LIMS1: variants seen among roughly 807,000 people sequenced by gnomAD.
LIMS1 encodes LIM zinc finger domain containing 1.
LIMS1 carries 18 observed loss-of-function variants against 44.1 expected under a neutral mutation model. The ratio of observed to expected loss-of-function variants is 0.41; its 90% CI spans 0.28 to 0.61. The LOEUF is 0.61. LIMS1 is among the 20% of genes least tolerant of loss of function. The pLI is 0.32. For missense variants in LIMS1, 201 were observed against 422.0 expected (o/e 0.48, Z 4.59); for synonymous variants, 93 against 149.1 (o/e 0.62, Z 2.74).
chr2:108,613,211 A>C (rs1321353636), intron 1 of LIMS1, among the ~76,000 whole-genome samples: 1 of 152,180 alleles, frequency 6.6e-6, no homozygotes, highest in African/African-American at 2.4e-5. Context: ...ATATTACATA[A>C]ATAGTTGAGA....
intron 1 of LIMS1, among the ~76,000 whole-genome samples, chr2:108,606,284 A>G (rs557979139): frequency 6.6e-5 from 10 of 152,330 alleles, no homozygotes; most frequent in African/African-American, 2.2e-4. Flanking sequence ...TGGCAGGTCT[A>G]CCTTAGGGTG....
intron 1 of LIMS1, among the ~76,000 whole-genome samples, chr2:108,564,062 A>T (rs925617547): frequency 6.8e-6 from 1 of 147,554 alleles, no homozygotes; most frequent in Admixed American, 6.7e-5. Context: ...AAAAAAAAAA[A>T]GGAAAAGGAA....
chr2:108,649,329 A>G (rs982486033), intron 1 of LIMS1, among the ~76,000 whole-genome samples: 1 of 152,174 alleles, frequency 6.6e-6, no homozygotes, highest in African/African-American at 2.4e-5. Context: ...GAAACAACAG[A>G]TGCTGGAGTG....
At chr2:108,678,455 T>TAATTAGGCTGGGCTGATTGATTGGA (rs1203372658) in intron 8 of LIMS1, 1 of 197,744 alleles carries the variant, frequency 5.1e-6, no homozygotes, top group Non-Finnish European at 1.0e-5. Context: ...TGTACTGTGG[T>TAATTAGGCTGGGCTGATTGATTGGA]AATTAGGCTG....
At chr2:108,554,808 C>A (rs1684868728) in intron 1 of LIMS1, among the ~76,000 whole-genome samples, 1 of 152,122 alleles carries the variant, frequency 6.6e-6, no homozygotes, top group African/African-American at 2.4e-5. Flanking sequence ...AAGGGACACA[C>A]AAACCATTGT....
At chr2:108,554,289 C>T (rs967180963) in intron 1 of LIMS1, among the ~76,000 whole-genome samples, 1 of 152,108 alleles carries the variant, frequency 6.6e-6, no homozygotes, top group African/African-American at 2.4e-5. Flanking sequence ...TCACTTGATA[C>T]CTATTGCCCT....
chr2:108,551,065 T>G (rs1684672864), intron 1 of LIMS1, among the ~76,000 whole-genome samples: 1 of 151,802 alleles, frequency 6.6e-6, no homozygotes, highest in African/African-American at 2.4e-5. Context: ...GGAAGTTGGG[T>G]GCAGTGAGCT....
chr2:108,569,771 T>C (rs1175924303), intron 1 of LIMS1, among the ~76,000 whole-genome samples: 1 of 144,398 alleles, frequency 6.9e-6, no homozygotes. Context: ...TGGCTTTTTT[T>C]TTTTTTTTTT....
intron 1 of LIMS1, among the ~76,000 whole-genome samples, chr2:108,554,788 C>T (rs1312066210): frequency 6.6e-6 from 1 of 152,132 alleles, no homozygotes; most frequent in Non-Finnish European, 1.5e-5. Context: ...GGGAGGTGTG[C>T]TCTTTAGGTA....
intron 1 of LIMS1, among the ~76,000 whole-genome samples, chr2:108,536,555 C>T (rs1448361895): frequency 6.6e-6 from 1 of 152,198 alleles, no homozygotes; most frequent in Admixed American, 6.5e-5. Flanking sequence ...ATTAAGAAAG[C>T]TACTACGAAC....
chr2:108,639,951 A>G (rs999642559), intron 1 of LIMS1, among the ~76,000 whole-genome samples: 2 of 152,218 alleles, frequency 1.3e-5, no homozygotes, highest in African/African-American at 4.8e-5. Context: ...AAGCACTTAC[A>G]CATCCATGCG....
At chr2:108,681,673 C>T in intron 9 of LIMS1, 1 of 799,252 alleles carries the variant, frequency 1.3e-6, no homozygotes, top group Non-Finnish European at 1.5e-6. Context: ...GTAATCCCAG[C>T]ACTTTAGGAA....
chr2:108,578,005 G>A (rs1018523023), intron 1 of LIMS1, among the ~76,000 whole-genome samples: 1 of 152,166 alleles, frequency 6.6e-6, no homozygotes, highest in Non-Finnish European at 1.5e-5. Flanking sequence ...CACCTCCCAG[G>A]TTCAAGTGAT....
chr2:108,567,220 C>G (rs1234108733), intron 1 of LIMS1, among the ~76,000 whole-genome samples: 1 of 152,078 alleles, frequency 6.6e-6, no homozygotes, highest in East Asian at 1.9e-4. Flanking sequence ...GGGTTTTCTC[C>G]TGGTACTACA....
intron 1 of LIMS1, among the ~76,000 whole-genome samples, chr2:108,611,078 A>T (rs1687573753): frequency 6.6e-6 from 1 of 152,214 alleles, no homozygotes; most frequent in Non-Finnish European, 1.5e-5. Context: ...TCTACTGCTG[A>T]GAAAAATAAC....
chr2:108,551,953 G>GTGTATATATA lies in LIMS1; in HGVS notation c.32+17360_32+17361insGTATATATAT, dbSNP rs56703030. On this transcript the variant is annotated intron_variant, in intron 1 of 9. Transcript: ENST00000544547. ...TATGTGTGTGTGTGTGTGTGTGTGTGTATATATATATATATATATGTATAT... is the reference window on the plus strand; with the variant it reads ...TATGTGTGTGTGTGTGTGTGTGTGTGTGTATATATATATATATATATATATATATGTATAT... 2.6e-3 allele frequency among the ~76,000 whole-genome samples: 224 copies of GTGTATATATA among 85,306 alleles called. 1 individual carries two copies. Among genetic ancestry groups the GTGTATATATA allele is most frequent in the African/African-American group, 7.3e-3 (214 of 29,382 alleles). 56.0% of individuals were successfully genotyped at this position (85,306 alleles called of 152,430 possible).
At position 108,579,913 on chromosome 2, in the gene LIMS1, C is replaced by T. The variant is rs116570637; in HGVS notation, c.32+45319C>T. Among the ~76,000 whole-genome samples, 511 of 152,316 alleles carry T rather than the reference C, an allele frequency of 3.4e-3. 2 individuals carry two copies. Among genetic ancestry groups the T allele is most frequent in the African/African-American group, 0.011 (469 of 41,580 alleles). ...AGTTTAGGGAGGAAGGCAAGAGGCACCAGGCCAGGAGGGCTGTTGAGATGT... is the reference window on the plus strand; with the variant it reads ...AGTTTAGGGAGGAAGGCAAGAGGCATCAGGCCAGGAGGGCTGTTGAGATGT... On this transcript the variant is annotated intron_variant, in intron 1 of 9. Transcript: ENST00000544547.
At chr2:108,642,700 G>A (rs13385259) in intron 1 of LIMS1, among the ~76,000 whole-genome samples, 7,650 of 152,176 alleles carry the variant, frequency 0.05, 274 homozygotes, top group South Asian at 0.15. Context: ...AAAAAATGTT[G>A]GCTGCTATTT....
At chr2:108,677,545 T>C in intron 7 of LIMS1, 1 of 177,362 alleles carries the variant, frequency 5.6e-6, no homozygotes, top group Non-Finnish European at 1.2e-5. Flanking sequence ...GGAAATGTCC[T>C]GTTCCTCATC....
Sources: allele counts gnomAD v4.1 joint callset (sites outside exome capture counted in the v4.1 genomes callset), GRCh38; gene constraint gnomAD v4.1.1; transcripts MANE v1.5; gene names NCBI Gene and HGNC (gene_info 2026-07-23, HGNC 2026-07-21).